The following ACRV1 variants were observed in gnomAD, a reference collection of about 807,000 sequenced individuals.
The protein encoded by ACRV1 is acrosomal protein SP-10.
Under a neutral mutation model 29.2 loss-of-function variants are expected in ACRV1, and 17 were observed. That is an observed-to-expected ratio of 0.58 (90% CI 0.40 to 0.87). ACRV1 has a LOEUF of 0.87. Among genes scored for constraint, ACRV1 ranks in the 40% least tolerant of loss-of-function variants. The probability of loss-of-function intolerance (pLI) is 0.00; values close to 1 mark genes in which losing one functional copy is unlikely to be tolerated. For missense variants in ACRV1, 294 were observed against 316.0 expected (o/e 0.93, Z 0.53); for synonymous variants, 98 against 111.6 (o/e 0.88, Z 0.77).
chr11:125,677,875 C>A lies in ACRV1; in HGVS notation c.475G>T (p.Ala159Ser), dbSNP rs769401052. ...GSGEQPSGEQ[A>S]SGEQPSGEHA... ...TCACCTGAAGGCTGTTCACCCGAGG[C>A]CTGCTCACCAGAAGGCTGTTCACCG... Residue 159 changes from alanine to serine, a missense_variant, in exon 2 of 4, where the codon GCC becomes TCC. Ala to Ser is a moderately conservative substitution (Grantham distance 99). Transcript: ENST00000533904. The A allele has an allele frequency of 1.9e-6, 3 of 1,613,840 alleles. No homozygotes were observed. The highest frequency in any genetic ancestry group is 2.5e-6 in the Non-Finnish European group (3 of 1,179,948).
chr11:125,679,933 CAA>C (rs1401994653), intron 1 of ACRV1, among the ~76,000 whole-genome samples: 1 of 152,046 alleles, frequency 6.6e-6, no homozygotes, highest in Non-Finnish European at 1.5e-5. Flanking sequence ...ATAATTAACA[CAA>C]GTTTTGATAA....
Position 125,673,391 on chromosome 11 carries a change from C to T in ACRV1, c.674-674G>A, listed in dbSNP as rs542394752. 3.8e-3 allele frequency among the ~76,000 whole-genome samples: 575 copies of T among 151,892 alleles called. 4 individuals carry two copies. The highest frequency in any genetic ancestry group is 0.02 in the Middle Eastern group (6 of 294). On this transcript the variant is annotated intron_variant, in intron 3 of 3. Transcript: ENST00000533904. ...CTAATTTTTGTAATTTTATTAGAGA[C>T]GGGGTTTCACCATGTTGGTCAGGCT...
At chr11:125,676,671 T>G (rs1344479217) in intron 2 of ACRV1, among the ~76,000 whole-genome samples, 193 bp from the exon 3 acceptor site, 1 of 152,176 alleles carries the variant, frequency 6.6e-6, no homozygotes, top group Non-Finnish European at 1.5e-5. Flanking sequence ...TCTTCATCTC[T>G]GACCCTCATT....
At chr11:125,673,206 TC>T in intron 3 of ACRV1, among the ~76,000 whole-genome samples, 1 of 106,614 alleles carries the variant, frequency 9.4e-6, no homozygotes, top group African/African-American at 3.1e-5. Flanking sequence ...CCCTTTCTTT[TC>T]TTTTCTTTTT....
In ACRV1 at chr11:125,672,544, G is replaced by A; in HGVS notation, c.*49C>T. The A allele has an allele frequency of 6.2e-7, 1 of 1,607,408 alleles. No homozygotes were observed. ...AAATATAAAATGAGCCAAATAGAGTGATGGAGGCTTTTTACTGCCTGAGTC... is the reference window on the plus strand; with the variant it reads ...AAATATAAAATGAGCCAAATAGAGTAATGGAGGCTTTTTACTGCCTGAGTC... On this transcript the variant is annotated 3_prime_UTR_variant, in exon 4 of 4. Coordinates refer to ENST00000533904, the MANE Select transcript of ACRV1 (RefSeq NM_001612.6).
intron 1 of ACRV1, among the ~76,000 whole-genome samples, 159 bp downstream of exon 1, chr11:125,680,570 C>T (rs1303340473): frequency 6.6e-6 from 1 of 152,206 alleles, no homozygotes; most frequent in East Asian, 1.9e-4. Context: ...GAGAAATCAA[C>T]TGGTTCAGGA....
Position 125,678,291 on chromosome 11 carries a change from G to A in ACRV1, c.59C>T (p.Ser20Leu). The change falls in exon 2 of 4, where the codon TCA becomes TTA. Residue 20 changes from serine (S) to leucine (L), a missense_variant. Coordinates refer to ENST00000533904, the MANE Select transcript of ACRV1 (RefSeq NM_001612.6). ...LYLLGSARGTSSQPNELSGSI... is the reference protein window; with the variant it reads ...LYLLGSARGTLSQPNELSGSI... ...GCCAGAAAGCTCATTAGGCTGACTT[G>A]ATGTTCCTGGGATGGAGAAGGAACA... 1 of 1,613,568 alleles carries A rather than the reference G, an allele frequency of 6.2e-7. No individual in the cohort carries two copies. Among genetic ancestry groups the A allele is most frequent in the Non-Finnish European group, 8.5e-7 (1 of 1,179,776 alleles).
At position 125,677,789 on chromosome 11, in the gene ACRV1, T is replaced by C. The variant is rs751336877; in HGVS notation, c.553+8A>G. The C allele has an allele frequency of 1.2e-6, 2 of 1,613,424 alleles. No homozygotes were observed. The highest frequency in any genetic ancestry group is 2.2e-5 in the East Asian group (1 of 44,864). On this transcript the variant is annotated splice_region_variant and intron_variant, in intron 2 of 3. Coordinates refer to ENST00000533904, the MANE Select transcript of ACRV1 (RefSeq NM_001612.6). ...TCAATGACTGGCACCCATCCAAACA[T>C]GGCTCACCTGTAGATGTGCTTGAAA...
At position 125,677,868 on chromosome 11, in the gene ACRV1, C is replaced by T. The variant is rs769314159; in HGVS notation, c.482G>A (p.Gly161Asp). 6.2e-6 allele frequency: 10 copies of T among 1,613,858 alleles called. No homozygotes were observed. The highest frequency in any genetic ancestry group is 6.8e-6 in the Non-Finnish European group (8 of 1,180,006). Residue 161 changes from glycine to aspartate, a missense_variant, in exon 2 of 4, where the codon GGT becomes GAT. Physicochemically the swap from Gly to Asp is moderately conservative, Grantham distance 94 (BLOSUM62 -1). Coordinates refer to ENST00000533904, the MANE Select transcript of ACRV1 (RefSeq NM_001612.6). Reference sequence around the variant, plus strand: ...AGCGTGCTCACCTGAAGGCTGTTCACCCGAGGCCTGCTCACCAGAAGGCTG... The same window carrying T: ...AGCGTGCTCACCTGAAGGCTGTTCATCCGAGGCCTGCTCACCAGAAGGCTG... Reference protein sequence around the residue: ...GEQPSGEQASGEQPSGEHASG... With the variant: ...GEQPSGEQASDEQPSGEHASG...
At chr11:125,676,596 A>G (rs1353514108) in intron 2 of ACRV1, 118 bp from the exon 3 acceptor site, 1 of 1,295,412 alleles carries the variant, frequency 7.7e-7, no homozygotes, top group Non-Finnish European at 1.1e-6. Context: ...TTTATTTCTT[A>G]GTTCTTTTTG....
At position 125,673,763 on chromosome 11, in the gene ACRV1, T is replaced by C. The variant is rs559301267; in HGVS notation, c.674-1046A>G. ...TCCTGTACCACACCTTCAAAACCTC[T>C]GTCATCTCTGATTCTTCCCTTTGCT... On this transcript the variant is annotated intron_variant, in intron 3 of 3. Transcript: ENST00000533904. Among the ~76,000 whole-genome samples, 28 of 152,342 alleles carry C rather than the reference T, an allele frequency of 1.8e-4. No individual in the cohort carries two copies. The South Asian group carries it at 5.4e-3, about 29-fold the overall frequency.
In ACRV1 at chr11:125,676,439, TC is replaced by T. The variant is rs780628221; in HGVS notation, c.592del (p.Asp198IlefsTer22). 14 of 1,614,054 alleles carry T rather than the reference TC, an allele frequency of 8.7e-6. No individual in the cohort carries two copies. The highest frequency in any genetic ancestry group is 3.3e-5 in the Admixed American group (2 of 60,006). ...LNCYTCAYMN[D>X]QGKCLRGEGT... ...CTCTCCACGAAGACATTTTCCTTGA[TC>T]ATTCATATAAGCACATGTGTAGCAA... On this transcript the variant is annotated frameshift_variant, in exon 3 of 4. Coordinates refer to ENST00000533904, the MANE Select transcript of ACRV1 (RefSeq NM_001612.6). LOFTEE classifies it high-confidence loss of function.
intron 3 of ACRV1, 37 bp downstream of exon 3, chr11:125,676,322 T>C (rs774750050): frequency 6.2e-7 from 1 of 1,612,582 alleles, no homozygotes; most frequent in South Asian, 1.1e-5. Flanking sequence ...GTTGATGTGT[T>C]CTCAGGCAGA....
intron 2 of ACRV1, 119 bp downstream of exon 2, chr11:125,677,678 G>A (rs1458618689): frequency 1.9e-4 from 252 of 1,350,798 alleles, no homozygotes; most frequent in Non-Finnish European, 9.2e-5. Context: ...TGAGAGAGCT[G>A]TTTGTGAAGT....
In ACRV1 at chr11:125,678,021, A is replaced by G; in HGVS notation, c.329T>C (p.Val110Ala). 1 of 1,614,114 alleles carries G rather than the reference A, an allele frequency of 6.2e-7. No individual in the cohort carries two copies. Among genetic ancestry groups the G allele is most frequent in the Non-Finnish European group, 8.5e-7 (1 of 1,180,010 alleles). ...ATEHAEGEHT[V>A]GEQPSGEQPS... ...CTGTTCTCCTGAAGGCTGCTCACCTACAGTATGCTCACCTTCAGCATGTTC... is the reference window on the plus strand; with the variant it reads ...CTGTTCTCCTGAAGGCTGCTCACCTGCAGTATGCTCACCTTCAGCATGTTC... The change falls in exon 2 of 4, where the codon GTA (valine) becomes GCA (alanine). Residue 110 changes from valine to alanine, a missense_variant. Physicochemically the swap from Val to Ala is moderately conservative, Grantham distance 64 (BLOSUM62 0). Transcript: ENST00000533904.
At chr11:125,675,132 C>T (rs1220248055) in intron 3 of ACRV1, among the ~76,000 whole-genome samples, 2 of 152,144 alleles carry the variant, frequency 1.3e-5, no homozygotes, top group Non-Finnish European at 1.5e-5. Context: ...TTTGGTGCAA[C>T]CTGAACATTA....
chr11:125,673,422 C>T (rs138220186), intron 3 of ACRV1, among the ~76,000 whole-genome samples: 11,555 of 151,966 alleles, frequency 0.076, 518 homozygotes, highest in African/African-American at 0.12. Context: ...AGGCTGGTCT[C>T]GATCTCCTGA....
chr11:125,672,071 GT>G lies in ACRV1; in HGVS notation c.*521del. 1 of 152,418 alleles carries G rather than the reference GT, an allele frequency of 6.6e-6. No individual in the cohort carries two copies. Among genetic ancestry groups the G allele is most frequent in the Non-Finnish European group, 1.5e-5 (1 of 68,174 alleles). The allele number at this position is 152,418 out of a possible 1,614,324, so 9.4% of individuals were successfully genotyped here. On this transcript the variant is annotated 3_prime_UTR_variant, in exon 4 of 4. Transcript: ENST00000533904. The stretch of plus-strand genomic sequence containing the variant: ...CTCTCAAGAGCCAAAGAAGAGTTGA[GT>G]TTTTGTATGCCATAATAAATGGAAG...
chr11:125,678,383 A>G (rs559655598), intron 1 of ACRV1, 86 bp from the exon 2 acceptor site: 3 of 1,490,798 alleles, frequency 2.0e-6, no homozygotes, highest in African/African-American at 1.4e-5. Flanking sequence ...GGCTAATGTT[A>G]TGAGACTCCT....
Sources: allele counts gnomAD v4.1 joint callset (sites outside exome capture counted in the v4.1 genomes callset), GRCh38; gene constraint gnomAD v4.1.1; transcripts MANE v1.5; gene names NCBI Gene and HGNC (gene_info 2026-07-23, HGNC 2026-07-21).